Variants in NPSR1 observed in about 807,000 individuals in gnomAD.
NPSR1 encodes the protein neuropeptide S receptor 1.
In NPSR1, 48 loss-of-function variants were observed where a neutral mutation model predicts 46.9. That is an observed-to-expected ratio of 1.02 (90% CI 0.81 to 1.30). The LOEUF (loss-of-function observed/expected upper bound fraction) is 1.30, where lower values mean the gene tolerates loss of function less well. Among genes scored for constraint, NPSR1 ranks in the 50% most tolerant of loss-of-function variants. NPSR1 has a pLI of 0.00. For missense variants in NPSR1, 450 were observed against 449.5 expected (o/e 1.00, Z -0.01); for synonymous variants, 176 against 168.1 (o/e 1.05, Z -0.36).
intron 1 of NPSR1, among the ~76,000 whole-genome samples, chr7:34,664,567 G>A (rs1295174852): frequency 6.6e-6 from 1 of 151,846 alleles, no homozygotes; most frequent in Non-Finnish European, 1.5e-5. Flanking sequence ...CGATATGCAG[G>A]TGGTCCTCAA....
At chr7:34,717,209 C>T (rs1407104831) in intron 2 of NPSR1, among the ~76,000 whole-genome samples, 2 of 152,122 alleles carry the variant, frequency 1.3e-5, no homozygotes, top group Non-Finnish European at 2.9e-5. Flanking sequence ...CTCAGCTCAC[C>T]GCAACCTCCA....
In NPSR1 at chr7:34,834,447, T is replaced by A; in HGVS notation, c.744T>A (p.Ile248=). The A allele has an allele frequency of 6.2e-7, 1 of 1,611,380 alleles. No homozygotes were observed. Among genetic ancestry groups the A allele is most frequent in the African/African-American group, 1.3e-5 (1 of 74,950 alleles). ...WIKSKTYETV[I]SNCSDGKLCS... ...AAAGCAAAACCTACGAAACAGTGAT[T>A]TCCAACTGCTCAGGTAAGTCTCTAC... Residue 248 remains isoleucine (I), a synonymous_variant, in exon 6 of 9, where the codon ATT becomes ATA. Coordinates refer to ENST00000360581, the MANE Select transcript of NPSR1 (RefSeq NM_207172.2).
At chr7:34,709,018 A>G (rs1794251123) in intron 2 of NPSR1, among the ~76,000 whole-genome samples, 1 of 152,140 alleles carries the variant, frequency 6.6e-6, no homozygotes, top group Non-Finnish European at 1.5e-5. Flanking sequence ...AATTGTAACC[A>G]GCTTGATCTT....
At chr7:34,741,504 C>T (rs1295979343) in intron 2 of NPSR1, among the ~76,000 whole-genome samples, 1 of 152,188 alleles carries the variant, frequency 6.6e-6, no homozygotes, top group Admixed American at 6.5e-5. Flanking sequence ...CTCCAAGCTG[C>T]TGTGGACAAT....
intron 2 of NPSR1, among the ~76,000 whole-genome samples, chr7:34,759,685 A>G (rs1786062720): frequency 1.3e-5 from 2 of 152,238 alleles, no homozygotes; most frequent in Admixed American, 1.3e-4. Context: ...AAACTGACCT[A>G]GAAATGCTGG....
intron 8 of NPSR1, among the ~76,000 whole-genome samples, chr7:34,859,323 C>G (rs1209418328): frequency 1.3e-5 from 2 of 151,668 alleles, no homozygotes; most frequent in Non-Finnish European, 2.9e-5. Flanking sequence ...GACCTGGAAT[C>G]CTTAAGTTTT....
At chr7:34,822,120 A>G (rs1789586351) in intron 4 of NPSR1, among the ~76,000 whole-genome samples, 1 of 152,214 alleles carries the variant, frequency 6.6e-6, no homozygotes, top group Non-Finnish European at 1.5e-5. Context: ...CTTGTAGAGG[A>G]TGAACTGATA....
chr7:34,710,149 T>G (rs1421115654), intron 2 of NPSR1, among the ~76,000 whole-genome samples: 1 of 152,226 alleles, frequency 6.6e-6, no homozygotes, highest in African/African-American at 2.4e-5. Context: ...TGATCCCTCT[T>G]CAGTCTCAAA....
intron 3 of NPSR1, among the ~76,000 whole-genome samples, chr7:34,790,747 ATATATGT>A (rs1787724287): frequency 8.5e-5 from 5 of 59,002 alleles, no homozygotes; most frequent in Admixed American, 4.6e-4. Flanking sequence ...GTTATATATA[ATATATGT>A]TATATGTTAT....
rs564811259 is a variant in NPSR1 at position 34,720,326 on chromosome 7, C to T, written c.280+35642C>T. Among the ~76,000 whole-genome samples the T allele has an allele frequency of 2.0e-4, 31 of 151,678 alleles. No homozygotes were observed. The South Asian group carries it at 6.5e-3, about 32-fold the overall frequency. ...CAAAGGCAAGGCAGAAGCATGGAGCCCTGTGTGTCAGGATCTGGCCCACCA... is the reference window on the plus strand; with the variant it reads ...CAAAGGCAAGGCAGAAGCATGGAGCTCTGTGTGTCAGGATCTGGCCCACCA... On this transcript the variant is annotated intron_variant, in intron 2 of 8. Transcript: ENST00000360581.
intron 1 of NPSR1, among the ~76,000 whole-genome samples, chr7:34,682,097 C>G (rs182112293): frequency 3.0e-4 from 45 of 152,230 alleles, no homozygotes; most frequent in African/African-American, 1.0e-3. Flanking sequence ...TGCAGCTGCT[C>G]ATAGCCAAGC....
downstream of NPSR1, among the ~76,000 whole-genome samples, chr7:34,853,750 CGAACA>C (rs1327550372): frequency 6.6e-6 from 1 of 151,998 alleles, no homozygotes. Flanking sequence ...CACCTGAGTT[CGAACA>C]GGAGTTCGAG....
At chr7:34,727,526 C>G (rs999044916) in intron 2 of NPSR1, among the ~76,000 whole-genome samples, 5 of 152,182 alleles carry the variant, frequency 3.3e-5, no homozygotes, top group African/African-American at 9.7e-5. Context: ...CACCACTTTG[C>G]TACCTGGATA....
intron 2 of NPSR1, among the ~76,000 whole-genome samples, chr7:34,767,634 T>A (rs1318375450): frequency 2.6e-5 from 4 of 152,026 alleles, no homozygotes; most frequent in Non-Finnish European, 5.9e-5. Flanking sequence ...GATGGGACAA[T>A]ATCAAATAGT....
intron 5 of NPSR1, among the ~76,000 whole-genome samples, chr7:34,828,524 G>A (rs1347130332): frequency 6.6e-6 from 1 of 151,410 alleles, no homozygotes; most frequent in Non-Finnish European, 1.5e-5. Context: ...GATGGGGTGG[G>A]AGACTACAGG....
At chr7:34,795,390 T>C (rs1266804340) in intron 3 of NPSR1, among the ~76,000 whole-genome samples, 1 of 152,144 alleles carries the variant, frequency 6.6e-6, no homozygotes, top group Non-Finnish European at 1.5e-5. Flanking sequence ...ACATTCCTTT[T>C]CATCATTGTA....
chr7:34,735,395 A>T (rs1229426414), intron 2 of NPSR1, among the ~76,000 whole-genome samples: 4 of 152,110 alleles, frequency 2.6e-5, no homozygotes, highest in Non-Finnish European at 5.9e-5. Context: ...CATTCTTGGC[A>T]GGGCCATCTC....
chr7:34,697,645 T>G (rs1206373584), intron 2 of NPSR1, among the ~76,000 whole-genome samples: 1 of 151,938 alleles, frequency 6.6e-6, no homozygotes, highest in East Asian at 1.9e-4. Context: ...TTATACTATA[T>G]TCTTAAAATT....
chr7:34,747,129 C>CAAAAAAAAAAAAAAA (rs5883471), intron 2 of NPSR1, among the ~76,000 whole-genome samples: 2 of 106,960 alleles, frequency 1.9e-5, no homozygotes, highest in Non-Finnish European at 1.9e-5. Context: ...ACCAAAAAAA[C>CAAAAAAAAAAAAAAA]AAAAAAAAAA....
Sources: allele counts gnomAD v4.1 joint callset (sites outside exome capture counted in the v4.1 genomes callset), GRCh38; gene constraint gnomAD v4.1.1; transcripts MANE v1.5; gene names NCBI Gene and HGNC (gene_info 2026-07-23, HGNC 2026-07-21).